DCAF6: variants seen among roughly 807,000 people sequenced by gnomAD.
DCAF6 encodes DDB1- and CUL4-associated factor 6.
In DCAF6, 54 loss-of-function variants were observed where a neutral mutation model predicts 125.1. That is an observed-to-expected ratio of 0.43 (90% CI 0.35 to 0.54). The LOEUF (loss-of-function observed/expected upper bound fraction) is 0.54, where lower values mean the gene tolerates loss of function less well. DCAF6 is among the 20% of genes least tolerant of loss of function. The pLI, the probability that DCAF6 is intolerant of heterozygous loss-of-function variation, is 0.01. For missense variants in DCAF6, 934 were observed against 1,161.7 expected, an observed-to-expected ratio of 0.80 and a Z score of 2.85; for synonymous variants, 371 against 390.4, an observed-to-expected ratio of 0.95 and a Z score of 0.58.
chr1:167,881,526 T>C, the DCAF6 span, among the ~76,000 whole-genome samples: 1 of 152,236 alleles, frequency 6.6e-6, no homozygotes, highest in South Asian at 2.1e-4. Context: ...GGCAACCCCT[T>C]TGGGGGAAGC....
chr1:167,901,568 A>T, the DCAF6 span: 2 of 1,306,012 alleles, frequency 1.5e-6, no homozygotes, highest in Non-Finnish European at 2.2e-6. Flanking sequence ...CTGAGCCACC[A>T]TGTTCTACTA....
intron 17 of DCAF6, among the ~76,000 whole-genome samples, chr1:168,054,823 T>G (rs1450576576): frequency 1.3e-5 from 2 of 150,958 alleles, no homozygotes; most frequent in African/African-American, 2.4e-5. Context: ...GGTTTGGTTT[T>G]TTTTTTTTTT....
intron 4 of DCAF6, among the ~76,000 whole-genome samples, chr1:167,982,747 A>G (rs1320108227): frequency 6.6e-6 from 1 of 152,198 alleles, no homozygotes; most frequent in Non-Finnish European, 1.5e-5. Context: ...TCCAATGTCT[A>G]GAATGGCGTT....
intron 21 of DCAF6, among the ~76,000 whole-genome samples, chr1:168,073,856 T>TTAGG (rs1213940457): frequency 6.6e-6 from 1 of 151,488 alleles, no homozygotes; most frequent in Non-Finnish European, 1.5e-5. Flanking sequence ...CTAATATCCC[T>TTAGG]TAGGTAGCCT....
At chr1:167,952,164 A>G (rs1674056855) in intron 2 of DCAF6, among the ~76,000 whole-genome samples, 1 of 152,044 alleles carries the variant, frequency 6.6e-6, no homozygotes, top group Non-Finnish European at 1.5e-5. Context: ...CATATCACTC[A>G]AACATATCCT....
At chr1:167,964,610 A>G (rs926107376) in intron 2 of DCAF6, among the ~76,000 whole-genome samples, 61 of 152,320 alleles carry the variant, frequency 4.0e-4, no homozygotes, top group African/African-American at 1.4e-3. Context: ...GGAAATTATC[A>G]GTCATTATTA....
In DCAF6 at chr1:167,936,751, G is replaced by A. The variant is rs904825551; in HGVS notation, c.-161G>A. 9 of 629,424 alleles carry A rather than the reference G, an allele frequency of 1.4e-5. No individual in the cohort carries two copies. In the African/African-American group the frequency reaches 1.5e-4, roughly 11 times the overall value. 39.0% of individuals were successfully genotyped at this position (629,424 alleles called of 1,614,324 possible). On this transcript the variant is annotated 5_prime_UTR_variant, in exon 1 of 22. Transcript: ENST00000367840. ...CGGCCCGGGTGCGGCCGGGCTTCAG[G>A]GGCCCAGGCGCCGCTGCTGCCACCG...
At chr1:168,065,791 A>G in intron 19 of DCAF6, 45 bp downstream of exon 19, 1 of 1,531,846 alleles carries the variant, frequency 6.5e-7, no homozygotes, top group African/African-American at 1.4e-5. Context: ...TATTTGTATG[A>G]CTCATCAGTC....
chr1:167,992,575 A>G (rs564243694), intron 6 of DCAF6, among the ~76,000 whole-genome samples: 9 of 152,346 alleles, frequency 5.9e-5, no homozygotes, highest in Non-Finnish European at 1.2e-4. Context: ...GGTGGACACA[A>G]TTGACATTTT....
intron 21 of DCAF6, among the ~76,000 whole-genome samples, chr1:168,071,821 C>G (rs998091902): frequency 6.6e-6 from 1 of 152,206 alleles, no homozygotes; most frequent in Admixed American, 6.5e-5. Flanking sequence ...TTCTGCCAAC[C>G]TCTGACTTCC....
chr1:168,033,538 C>T (rs548546778), intron 12 of DCAF6, among the ~76,000 whole-genome samples: 4 of 151,856 alleles, frequency 2.6e-5, no homozygotes, highest in Admixed American at 6.6e-5. Flanking sequence ...AGGATGGTCT[C>T]GATCTTCTGA....
the DCAF6 span, chr1:167,918,262 A>C: frequency 7.4e-7 from 1 of 1,348,200 alleles, no homozygotes; most frequent in Admixed American, 2.1e-5. Flanking sequence ...ATAACCAAAT[A>C]ATAAACTAGG....
chr1:167,994,526 A>G (rs111815066), intron 7 of DCAF6, among the ~76,000 whole-genome samples: 448 of 152,324 alleles, frequency 2.9e-3, no homozygotes, highest in African/African-American at 0.01. Flanking sequence ...ATTTTACAAA[A>G]TAAATATAAG....
intron 10 of DCAF6, among the ~76,000 whole-genome samples, chr1:168,012,648 T>C (rs976678372): frequency 5.9e-5 from 9 of 152,334 alleles, no homozygotes; most frequent in East Asian, 5.8e-4. Context: ...TAGTCTGTTA[T>C]GTCTGGTTGA....
At chr1:168,065,451 A>AT (rs1418234589) in intron 18 of DCAF6, 139 bp from the exon 19 acceptor site, 2 of 739,218 alleles carry the variant, frequency 2.7e-6, no homozygotes, top group African/African-American at 1.8e-5. Context: ...CCCAGCATCA[A>AT]TTTTTAATTT....
intron 11 of DCAF6, among the ~76,000 whole-genome samples, chr1:168,022,233 C>T (rs958869557): frequency 2.0e-5 from 3 of 152,060 alleles, no homozygotes; most frequent in Non-Finnish European, 2.9e-5. Context: ...CAGTAGAAAC[C>T]GCTTATAAAG....
At chr1:167,937,074 C>T in intron 1 of DCAF6, 66 bp downstream of exon 1, 2 of 1,399,632 alleles carry the variant, frequency 1.4e-6, no homozygotes, top group South Asian at 1.2e-5. Flanking sequence ...GGGCACGCTG[C>T]CGGGTCTGTT....
the DCAF6 span, chr1:167,899,318 C>A: frequency 1.6e-5 from 19 of 1,165,044 alleles, no homozygotes; most frequent in African/African-American, 2.3e-4. Context: ...ATCCCAATCT[C>A]CAGCCCAGGA....
At chr1:167,975,315 T>C (rs1677981479) in intron 4 of DCAF6, among the ~76,000 whole-genome samples, 1 of 152,236 alleles carries the variant, frequency 6.6e-6, no homozygotes, top group Non-Finnish European at 1.5e-5. Flanking sequence ...ACCTCTGTTA[T>C]TGTGCTGCAT....
Sources: allele counts gnomAD v4.1 joint callset (sites outside exome capture counted in the v4.1 genomes callset), GRCh38; gene constraint gnomAD v4.1.1; transcripts MANE v1.5; gene names NCBI Gene and HGNC (gene_info 2026-07-23, HGNC 2026-07-21).